The following OR7A5 variants were observed in gnomAD, a reference collection of about 807,000 sequenced individuals.
The protein encoded by OR7A5 is olfactory receptor family 7 subfamily A member 5.
For missense variants in OR7A5, 319 were observed against 377.9 expected (o/e 0.84, Z 1.29); for synonymous variants, 140 against 146.7 (o/e 0.95, Z 0.33).
chr19:14,830,475 C>T (rs1399513713), intron 1 of OR7A5, among the ~76,000 whole-genome samples: 1 of 150,816 alleles, frequency 6.6e-6, no homozygotes, highest in Non-Finnish European at 1.5e-5. Context: ...CAAAGGCTTG[C>T]TGGGGATCTT....
chr19:14,828,397 G>T, intron 1 of OR7A5, 143 bp from the exon 2 acceptor site: 1 of 811,340 alleles, frequency 1.2e-6, no homozygotes, highest in Non-Finnish European at 1.9e-6. Flanking sequence ...GGATCTCCAT[G>T]TCATCTCTGA....
intron 1 of OR7A5, among the ~76,000 whole-genome samples, chr19:14,834,781 T>C (rs2044868890): frequency 6.6e-6 from 1 of 152,230 alleles, no homozygotes; most frequent in African/African-American, 2.4e-5. Flanking sequence ...ATGTATGTTG[T>C]ACTTTTACAA....
At chr19:14,830,276 A>G (rs971020929) in intron 1 of OR7A5, among the ~76,000 whole-genome samples, 2 of 152,232 alleles carry the variant, frequency 1.3e-5, no homozygotes, top group African/African-American at 4.8e-5. Context: ...CCATTTTGGT[A>G]TGACTGTTTT....
At chr19:14,829,267 A>G (rs1230173981) in intron 1 of OR7A5, among the ~76,000 whole-genome samples, 2 of 152,182 alleles carry the variant, frequency 1.3e-5, no homozygotes, top group Non-Finnish European at 2.9e-5. Context: ...GCAGTGGCGC[A>G]ATCTCAGATC....
chr19:14,833,333 G>A (rs1026209939), intron 1 of OR7A5, among the ~76,000 whole-genome samples: 7 of 152,232 alleles, frequency 4.6e-5, no homozygotes, highest in Non-Finnish European at 8.8e-5. Flanking sequence ...ACAAAAATTA[G>A]ATGGGTATGG....
rs1298098999 is a variant in OR7A5, at chr19:14,833,997, C to T, written c.-14+1077G>A. Among the ~76,000 whole-genome samples the T allele has an allele frequency of 5.7e-5, 7 of 123,662 alleles. No individual in the cohort carries two copies. In the South Asian group the frequency reaches 1.2e-3, roughly 22 times the overall value. The allele number at this position is 123,662 out of a possible 152,430, so 81.1% of individuals were successfully genotyped here. A position where few individuals can be genotyped will look rare whatever the true frequency, so the allele number is the denominator to read the frequency against. On this transcript the variant is annotated intron_variant, in intron 1 of 1. Coordinates refer to ENST00000322301, the MANE Select transcript of OR7A5 (RefSeq NM_017506.2). Reference sequence around the variant, plus strand: ...CATACAGGCTGGGCGTGGTGGCACACGTCTGCAATCCTAGCACTTTGGGAG... The same window carrying T: ...CATACAGGCTGGGCGTGGTGGCACATGTCTGCAATCCTAGCACTTTGGGAG...
At chr19:14,834,917 A>G (rs1253794224) in intron 1 of OR7A5, among the ~76,000 whole-genome samples, 157 bp downstream of exon 1, 3 of 152,220 alleles carry the variant, frequency 2.0e-5, no homozygotes, top group Non-Finnish European at 1.5e-5. Flanking sequence ...ATAAAACGAG[A>G]CATTACTTAG....
intron 1 of OR7A5, among the ~76,000 whole-genome samples, chr19:14,831,073 T>G (rs2044827584): frequency 6.6e-6 from 1 of 152,210 alleles, no homozygotes; most frequent in Admixed American, 6.5e-5. Context: ...TTATTATCCT[T>G]TCTCTAATTA....
At chr19:14,831,932 A>G (rs1482851905) in intron 1 of OR7A5, among the ~76,000 whole-genome samples, 1 of 152,136 alleles carries the variant, frequency 6.6e-6, no homozygotes, top group Non-Finnish European at 1.5e-5. Context: ...TTGTTGAGAT[A>G]GGGTCTTACT....
At chr19:14,834,021 A>T (rs2044860136) in intron 1 of OR7A5, among the ~76,000 whole-genome samples, 1 of 152,212 alleles carries the variant, frequency 6.6e-6, no homozygotes, top group African/African-American at 2.4e-5. Flanking sequence ...GCACTTTGGG[A>T]GGCTGAGGCA....
chr19:14,833,779 T>TTTTAAGAAATA (rs1445509275), intron 1 of OR7A5, among the ~76,000 whole-genome samples: 1 of 150,152 alleles, frequency 6.7e-6, no homozygotes, highest in Non-Finnish European at 1.5e-5. Flanking sequence ...GTCAGTAATA[T>TTTTAAGAAATA]TTTAAGAAAA....
intron 1 of OR7A5, among the ~76,000 whole-genome samples, chr19:14,830,213 T>C (rs1196380001): frequency 6.6e-6 from 1 of 152,166 alleles, no homozygotes; most frequent in Non-Finnish European, 1.5e-5. Context: ...AATGTAGAAT[T>C]GGTACAAGAA....
intron 1 of OR7A5, among the ~76,000 whole-genome samples, chr19:14,832,310 A>G (rs1451758641): frequency 6.6e-6 from 1 of 152,106 alleles, no homozygotes; most frequent in Non-Finnish European, 1.5e-5. Flanking sequence ...TATTTTCACC[A>G]TTATAGCACA....
intron 1 of OR7A5, among the ~76,000 whole-genome samples, chr19:14,834,286 A>AAAAC (rs1185076750): frequency 6.6e-6 from 1 of 152,158 alleles, no homozygotes; most frequent in African/African-American, 2.4e-5. Flanking sequence ...TCTCAAAGAA[A>AAAAC]AAACAAACAA....
Position 14,827,461 on chromosome 19 carries a change from T to A in OR7A5, c.781A>T (p.Ser261Cys). The A allele has an allele frequency of 1.2e-6, 2 of 1,614,052 alleles. No individual in the cohort carries two copies. Among genetic ancestry groups the A allele is most frequent in the Non-Finnish European group, 1.7e-6 (2 of 1,180,012 alleles). The change falls in exon 2 of 2, where the codon AGT becomes TGT. Residue 261 changes from serine (S) to cysteine (C), a missense_variant. By Grantham distance (112) the Ser-to-Cys change is moderately radical. Transcript: ENST00000322301. ...TGTGAGTTGCGGGTGGCAGCAGAAC[T>A]AAGGTACACCCCTAGGATTGCACCA... is the stretch of plus-strand genomic sequence containing the variant. The part of the protein sequence containing the change: ...FYGAILGVYL[S>C]SAATRNSHSS...
rs2044775969 is a variant in OR7A5 at position 14,827,191 on chromosome 19, T to C, written c.*91A>G. ...CACAACAAATTGAAACTCCCAGAAA[T>C]ATAATAAGTATTAATAGAAGGAGCA... On this transcript the variant is annotated 3_prime_UTR_variant, in exon 2 of 2. Transcript: ENST00000322301. 3 of 1,268,164 alleles carry C rather than the reference T, an allele frequency of 2.4e-6. No individual in the cohort carries two copies. The African/African-American group carries it at 4.6e-5, about 19-fold the overall frequency. 78.6% of individuals were successfully genotyped at this position (1,268,164 alleles called of 1,614,324 possible).
chr19:14,827,569 T>C lies in OR7A5; in HGVS notation c.673A>G (p.Ile225Val). 1 of 1,614,144 alleles carries C rather than the reference T, an allele frequency of 6.2e-7. No individual in the cohort carries two copies. The highest frequency in any genetic ancestry group is 8.5e-7 in the Non-Finnish European group (1 of 1,180,040). Reference protein sequence around the residue: ...LYSYSKIISSIHAISSAQGKY... With the variant: ...LYSYSKIISSVHAISSAQGKY... ...CCCTGAGCTGATGAGATTGCATGTATGGAAGAAATTATCTTAGAGTAAGAG... is the reference window on the plus strand; with the variant it reads ...CCCTGAGCTGATGAGATTGCATGTACGGAAGAAATTATCTTAGAGTAAGAG... The change falls in exon 2 of 2, where the codon ATA (isoleucine) becomes GTA (valine). Residue 225 changes from isoleucine (I) to valine (V), a missense_variant. Coordinates refer to ENST00000322301, the MANE Select transcript of OR7A5 (RefSeq NM_017506.2).
At chr19:14,828,386 G>C in intron 1 of OR7A5, 132 bp from the exon 2 acceptor site, 1 of 915,700 alleles carries the variant, frequency 1.1e-6, no homozygotes. Flanking sequence ...TTCTCTTTAA[G>C]GGATCTCCAT....
intron 1 of OR7A5, among the ~76,000 whole-genome samples, chr19:14,833,970 C>T (rs1316978083): frequency 6.6e-6 from 1 of 152,108 alleles, no homozygotes; most frequent in East Asian, 1.9e-4. Context: ...ATATTAAAAA[C>T]ACATACAGGC....
Sources: allele counts gnomAD v4.1 joint callset (sites outside exome capture counted in the v4.1 genomes callset), GRCh38; gene constraint gnomAD v4.1.1; transcripts MANE v1.5; gene names NCBI Gene and HGNC (gene_info 2026-07-23, HGNC 2026-07-21).